NRG4: variants seen among roughly 807,000 people sequenced by gnomAD.
NRG4 encodes the protein pro-neuregulin-4, membrane-bound isoform.
A neutral mutation model predicts 15.0 loss-of-function variants in NRG4; 10 were observed. The ratio of observed to expected loss-of-function variants is 0.67; its 90% CI spans 0.41 to 1.13. The LOEUF (loss-of-function observed/expected upper bound fraction) is 1.13, where lower values mean the gene tolerates loss of function less well. Ranked by LOEUF, NRG4 falls within the 50% of genes most tolerant of loss-of-function variation. The pLI is 0.00. For synonymous variants in NRG4, 41 were observed against 50.1 expected (o/e 0.82, Z 0.77); for missense variants, 139 against 140.2 (o/e 0.99, Z 0.04).
intron 5 of NRG4, 151 bp downstream of exon 5, chr15:75,955,781 G>C: frequency 4.1e-6 from 2 of 489,416 alleles, no homozygotes; most frequent in Non-Finnish European, 7.1e-6. Flanking sequence ...ATGTGAAAAA[G>C]GGTACCTGGC....
At chr15:75,943,762 TTC>T (rs2031241913) in intron 5 of NRG4, 108 bp from the exon 6 acceptor site, 2 of 734,556 alleles carry the variant, frequency 2.7e-6, no homozygotes, top group Non-Finnish European at 4.7e-6. Context: ...AGCCAACCCC[TTC>T]TGTTTGTGAT....
At chr15:76,050,588 G>A (rs1429668639) in intron 4 of NRG4, among the ~76,000 whole-genome samples, 2 of 141,464 alleles carry the variant, frequency 1.4e-5, no homozygotes, top group African/African-American at 5.5e-5. Flanking sequence ...TCACCACCAC[G>A]CTCGGCTAAT....
intron 3 of NRG4, among the ~76,000 whole-genome samples, chr15:76,000,749 ACACTGTGTGTACTTCTG>A: frequency 6.6e-6 from 1 of 152,294 alleles, no homozygotes; most frequent in African/African-American, 2.4e-5. Flanking sequence ...ACAGTGGTAC[ACACTGTGTGTACTTCTG>A]CACTGTGTGT....
intron 5 of NRG4, among the ~76,000 whole-genome samples, chr15:76,025,027 C>T (rs2035268991): frequency 6.6e-6 from 1 of 152,122 alleles, no homozygotes; most frequent in Non-Finnish European, 1.5e-5. Context: ...AAACAGGACA[C>T]CTTCAGAAGA....
intron 3 of NRG4, among the ~76,000 whole-genome samples, chr15:75,997,783 AG>A (rs889152024): frequency 6.6e-6 from 1 of 152,162 alleles, no homozygotes; most frequent in Non-Finnish European, 1.5e-5. Flanking sequence ...AAGGTCACTA[AG>A]GCAGGAAAAA....
Position 76,009,254 on chromosome 15 carries a change from CA to C in NRG4, c.49del (p.Cys17AlafsTer2). ...EPCGPSHKSF[C>X]LNGGLCYVIP... Reference sequence around the variant, plus strand: ...CACATAACAAAGCCCCCCATTCAGGCAAAACGACTTGTGACTGGGACCACAG... The same window carrying C: ...CACATAACAAAGCCCCCCATTCAGGCAAACGACTTGTGACTGGGACCACAG... On this transcript the variant is annotated frameshift_variant, in exon 3 of 6. Coordinates refer to ENST00000394907, the MANE Select transcript of NRG4 (RefSeq NM_138573.4). LOFTEE classifies it high-confidence loss of function. 1 of 1,604,560 alleles carries C rather than the reference CA, an allele frequency of 6.2e-7. No individual in the cohort carries two copies. The highest frequency in any genetic ancestry group is 8.5e-7 in the Non-Finnish European group (1 of 1,173,772).
intron 5 of NRG4, among the ~76,000 whole-genome samples, chr15:76,035,320 G>C (rs1261339628): frequency 6.6e-6 from 1 of 152,198 alleles, no homozygotes; most frequent in Non-Finnish European, 1.5e-5. Flanking sequence ...TATCAGGAAA[G>C]CAAAAGCCCT....
At chr15:76,011,119 T>G in intron 2 of NRG4, 102 bp downstream of exon 2, 1 of 1,001,054 alleles carries the variant, frequency 1.0e-6, no homozygotes, top group Non-Finnish European at 1.4e-6. Context: ...CCAATGATGT[T>G]GGAAGGGAAT....
chr15:75,962,088 G>A, intron 3 of NRG4, 114 bp from the exon 4 acceptor site: 1 of 684,656 alleles, frequency 1.5e-6, no homozygotes, highest in Non-Finnish European at 2.4e-6. Flanking sequence ...TTCAGATTGT[G>A]AACATGGAGT....
intron 3 of NRG4, among the ~76,000 whole-genome samples, chr15:75,973,100 T>C (rs2033188890): frequency 6.6e-6 from 1 of 152,218 alleles, no homozygotes; most frequent in Non-Finnish European, 1.5e-5. Context: ...CCTTGTAAAT[T>C]GTATTCCTAG....
intron 3 of NRG4, among the ~76,000 whole-genome samples, chr15:75,994,319 G>T (rs2034132395): frequency 6.6e-6 from 1 of 151,840 alleles, no homozygotes; most frequent in African/African-American, 2.4e-5. Context: ...AAGAACTCAG[G>T]CTCCCCCTCT....
chr15:75,981,588 A>G (rs906361322), intron 3 of NRG4, among the ~76,000 whole-genome samples: 14 of 152,142 alleles, frequency 9.2e-5, no homozygotes, highest in African/African-American at 3.4e-4. Flanking sequence ...AACTGCTAGT[A>G]GCAGCTGCAA....
At chr15:75,996,876 C>G (rs1486652818) in intron 3 of NRG4, among the ~76,000 whole-genome samples, 1 of 152,088 alleles carries the variant, frequency 6.6e-6, no homozygotes, top group Non-Finnish European at 1.5e-5. Context: ...TTACACATCA[C>G]TACTTGATGG....
intron 4 of NRG4, among the ~76,000 whole-genome samples, chr15:75,960,298 T>C (rs2032451448): frequency 6.6e-6 from 1 of 152,176 alleles, no homozygotes; most frequent in African/African-American, 2.4e-5. Context: ...TATTCAGCTT[T>C]CCAAACATAG....
chr15:76,006,445 A>G (rs1004534595), intron 3 of NRG4, among the ~76,000 whole-genome samples: 13 of 152,200 alleles, frequency 8.5e-5, no homozygotes, highest in Non-Finnish European at 1.5e-5. Flanking sequence ...CTGCCATTCA[A>G]TGTTACTGAA....
At chr15:75,966,350 A>G (rs2032795568) in intron 3 of NRG4, among the ~76,000 whole-genome samples, 1 of 152,234 alleles carries the variant, frequency 6.6e-6, no homozygotes, top group African/African-American at 2.4e-5. Flanking sequence ...CTTGTTGGCT[A>G]TGTGATCTTG....
intron 4 of NRG4, among the ~76,000 whole-genome samples, chr15:76,036,716 C>A (rs1399938518): frequency 6.6e-6 from 1 of 152,158 alleles, no homozygotes; most frequent in African/African-American, 2.4e-5. Flanking sequence ...AAGGATTCAA[C>A]AAGTGCTAGC....
At chr15:75,969,037 C>T (rs1447127749) in intron 3 of NRG4, 1 of 302,090 alleles carries the variant, frequency 3.3e-6, no homozygotes, top group Non-Finnish European at 6.7e-6. Context: ...GACCATAAAC[C>T]AGGAACAGCT....
chr15:75,979,872 G>C (rs2033533467), intron 3 of NRG4, among the ~76,000 whole-genome samples: 1 of 152,030 alleles, frequency 6.6e-6, no homozygotes, highest in East Asian at 1.9e-4. Flanking sequence ...AAATTACAAA[G>C]AGTTCATCTG....
Sources: gnomAD v4.1 joint callset for allele counts (sites outside exome capture counted in the v4.1 genomes callset) on GRCh38, gnomAD v4.1.1 for gene constraint, MANE v1.5 for transcripts, NCBI Gene and HGNC (gene_info 2026-07-23, HGNC 2026-07-21) for gene names.